JPH2: variants seen among roughly 807,000 people sequenced by gnomAD.
JPH2 encodes the protein junctophilin 2.
In JPH2, 38 loss-of-function variants were observed where a neutral mutation model predicts 55.9. The observed-to-expected ratio is 0.68, with a 90% CI of 0.52 to 0.89. The LOEUF is 0.89. Among genes scored for constraint, JPH2 ranks in the 40% least tolerant of loss-of-function variants. JPH2 has a pLI of 0.00. For missense variants in JPH2, 964 were observed against 1,037.6 expected (o/e 0.93, Z 0.97); for synonymous variants, 480 against 472.4 (o/e 1.02, Z -0.21).
At chr20:44,130,316 C>A (rs1219181027) in intron 2 of JPH2, among the ~76,000 whole-genome samples, 1 of 152,212 alleles carries the variant, frequency 6.6e-6, no homozygotes, top group Non-Finnish European at 1.5e-5. Context: ...TGCCTCAGCC[C>A]AGTCTTGTCC....
intron 1 of JPH2, chr20:44,177,340 CG>C: frequency 1.0e-6 from 1 of 987,104 alleles, no homozygotes; most frequent in South Asian, 4.7e-5. Context: ...GGGCCTGCTC[CG>C]GGGAACAGCT....
At position 44,138,335 on chromosome 20, in the gene JPH2, C is replaced by T. The variant is rs191619566; in HGVS notation, c.1170-19712G>A. On this transcript the variant is annotated intron_variant, in intron 2 of 5. Transcript: ENST00000372980. ...CGTGAGCTTTAATGCGTCTCTTACA[C>T]GCTGTTTTTTAACTGAGAGCCCAGC... Among the ~76,000 whole-genome samples, 859 of 123,502 alleles carry T rather than the reference C, an allele frequency of 7.0e-3. 6 individuals carry two copies. The highest frequency in any genetic ancestry group is 8.9e-3 in the Non-Finnish European group (479 of 53,872). The allele number at this position is 123,502 out of a possible 152,430, so 81.0% of individuals were successfully genotyped here.
chr20:44,143,633 A>G (rs894792897), intron 2 of JPH2, among the ~76,000 whole-genome samples: 2 of 152,104 alleles, frequency 1.3e-5, no homozygotes. Flanking sequence ...CTCCCCGCTC[A>G]CGCCCTCTCA....
rs2072143455 is a variant in JPH2, at chr20:44,111,526, C to CT, written c.*1991dup. The stretch of plus-strand genomic sequence containing the variant: ...CTTTAGAAACTCCACTGTAGAAGCT[C>CT]TATGGTCTTTCAGCCCCCACTCAAA... On this transcript the variant is annotated 3_prime_UTR_variant, in exon 6 of 6. Transcript: ENST00000372980. Among the ~76,000 whole-genome samples, 1 of 152,160 alleles carries CT rather than the reference C, an allele frequency of 6.6e-6. No homozygotes were observed. Among genetic ancestry groups the CT allele is most frequent in the South Asian group, 2.1e-4 (1 of 4,832 alleles).
Position 44,160,060 on chromosome 20 carries a change from G to C in JPH2, c.727C>G (p.Arg243Gly), listed in dbSNP as rs2072597620. ...AESRTSVGSQRSRVSFLKSDL... is the reference protein window; with the variant it reads ...AESRTSVGSQGSRVSFLKSDL... ...CTCTTAAGGAAGCTGACACGGCTGC[G>C]CTGGCTACCCACGGACGTGCGCGAC... Residue 243 changes from arginine (R) to glycine (G), a missense_variant, in exon 2 of 6, where the codon CGC becomes GGC. Transcript: ENST00000372980. This position sits in a 1 kb window ranked among gnomAD's most constrained non-coding sequence, Gnocchi z 4.9. 3.2e-6 allele frequency: 5 copies of C among 1,543,008 alleles called. No individual in the cohort carries two copies. The South Asian group carries it at 4.7e-5, about 15-fold the overall frequency.
intron 3 of JPH2, 111 bp from the exon 4 acceptor site, chr20:44,116,497 C>T: frequency 1.6e-6 from 2 of 1,262,150 alleles, no homozygotes; most frequent in East Asian, 5.3e-5. Flanking sequence ...TCGGCACTCA[C>T]ATAGCACTGA....
Position 44,115,661 on chromosome 20 carries a change from T to C in JPH2, c.2010+4A>G, listed in dbSNP as rs2072182827. The C allele has an allele frequency of 4.3e-6, 7 of 1,612,010 alleles. No individual in the cohort carries two copies. Among genetic ancestry groups the C allele is most frequent in the Non-Finnish European group, 5.1e-6 (6 of 1,179,926 alleles). On this transcript the variant is annotated splice_donor_region_variant and intron_variant, in intron 4 of 5. Coordinates refer to ENST00000372980, the MANE Select transcript of JPH2 (RefSeq NM_020433.5). ...CTTAGGCACACCTTGCCCGACAGCC[T>C]CACCTCTTCCACCTCCACCTCCGCC...
At chr20:44,115,195 G>A (rs1292432257) in intron 4 of JPH2, among the ~76,000 whole-genome samples, 1 of 152,128 alleles carries the variant, frequency 6.6e-6, no homozygotes, top group Non-Finnish European at 1.5e-5. Flanking sequence ...CCAAAGCCCA[G>A]CTTCAGTCTT....
At chr20:44,148,871 G>A (rs1348471265) in intron 2 of JPH2, among the ~76,000 whole-genome samples, 2 of 152,038 alleles carry the variant, frequency 1.3e-5, no homozygotes, top group South Asian at 2.1e-4. Flanking sequence ...AGACCATCCT[G>A]GCTAACATGG....
At position 44,186,392 on chromosome 20, in the gene JPH2, T is replaced by G; in HGVS notation, c.314A>C (p.Lys105Thr). Residue 105 changes from lysine to threonine, a missense_variant, in exon 1 of 6, where the codon AAG becomes ACG. By Grantham distance (78) the Lys-to-Thr change is moderately conservative. Coordinates refer to ENST00000372980, the MANE Select transcript of JPH2 (RefSeq NM_020433.5). The stretch of plus-strand genomic sequence containing the variant: ...GCCATTGTTCCAGGTGCCCTCATAC[T>G]TGGCACCGCTGCTTGAGCTCTGCCG... ...GIRQSSSSGA[K>T]YEGTWNNGLQ... The G allele has an allele frequency of 6.2e-7, 1 of 1,613,762 alleles. No individual in the cohort carries two copies. Among genetic ancestry groups the G allele is most frequent in the Non-Finnish European group, 8.5e-7 (1 of 1,179,958 alleles).
chr20:44,154,380 A>G (rs1004005711), intron 2 of JPH2, among the ~76,000 whole-genome samples: 2 of 152,224 alleles, frequency 1.3e-5, no homozygotes, highest in African/African-American at 4.8e-5. Flanking sequence ...TTCTTTTCAT[A>G]CTAAGTATTT....
chr20:44,115,544 C>G (rs2072181796), intron 4 of JPH2, 121 bp downstream of exon 4: 1 of 1,337,556 alleles, frequency 7.5e-7, no homozygotes, highest in South Asian at 1.2e-5. Context: ...TCCTCCTGCT[C>G]TATCCTGCTT....
intron 1 of JPH2, among the ~76,000 whole-genome samples, chr20:44,175,851 G>T (rs1379318906): frequency 6.6e-6 from 1 of 152,222 alleles, no homozygotes; most frequent in African/African-American, 2.4e-5. Flanking sequence ...GATTGTGTGT[G>T]CAGAAGGCAA....
rs760392872 is a variant in JPH2, at chr20:44,136,447, C to CATG, written c.1170-17825_1170-17824insCAT. On this transcript the variant is annotated intron_variant, in intron 2 of 5. Coordinates refer to ENST00000372980, the MANE Select transcript of JPH2 (RefSeq NM_020433.5). ...ATCCCCTGGGACTCATCGCCATCAT[C>CATG]ATCATCAACATCAACATCACCATTA... 6.2e-3 allele frequency among the ~76,000 whole-genome samples: 947 copies of CATG among 152,038 alleles called. 4 individuals carry two copies. Among genetic ancestry groups the CATG allele is most frequent in the Non-Finnish European group, 0.01 (692 of 67,972 alleles).
intron 2 of JPH2, among the ~76,000 whole-genome samples, chr20:44,134,497 TATATATAAATAATATATATTTATA>T (rs2072378304): frequency 2.1e-3 from 1 of 480 alleles, no homozygotes; most frequent in African/African-American, 0.012. Context: ...ATATATTTAT[TATATATAAATAATATATATTTATA>T]ATAAATATAT....
intron 1 of JPH2, among the ~76,000 whole-genome samples, chr20:44,182,684 A>C (rs1428170293): frequency 6.6e-6 from 1 of 152,178 alleles, no homozygotes; most frequent in African/African-American, 2.4e-5. Context: ...AGACGACTCC[A>C]TCTAAGAACA....
Position 44,160,520 on chromosome 20 carries a change from G to T in JPH2, c.380-113C>A, listed in dbSNP as rs1055875145. Reference sequence around the variant, plus strand: ...GCAAGGCGGGGTGGGACCGAGAGGCGCAAGGCCGTCTGAGGGTCAGGGTGC... The same window carrying T: ...GCAAGGCGGGGTGGGACCGAGAGGCTCAAGGCCGTCTGAGGGTCAGGGTGC... On this transcript the variant is annotated intron_variant, in intron 1 of 5. Transcript: ENST00000372980. This position sits in a 1 kb window ranked among gnomAD's most constrained non-coding sequence, Gnocchi z 4.9. 8.2e-6 allele frequency: 9 copies of T among 1,094,804 alleles called. No individual in the cohort carries two copies. The highest frequency in any genetic ancestry group is 1.2e-5 in the Non-Finnish European group (9 of 743,362). 67.8% of individuals were successfully genotyped at this position (1,094,804 alleles called of 1,614,324 possible). A position where few individuals can be genotyped will look rare whatever the true frequency, so the allele number is the denominator to read the frequency against.
At chr20:44,125,113 CAAAA>C (rs11299035) in intron 2 of JPH2, among the ~76,000 whole-genome samples, 11 of 117,994 alleles carry the variant, frequency 9.3e-5, no homozygotes, top group African/African-American at 9.7e-5. Context: ...GACTCTGGCT[CAAAA>C]AAAAAAAAAA....
At chr20:44,162,073 C>A (rs1309739259) in intron 1 of JPH2, among the ~76,000 whole-genome samples, 1 of 152,206 alleles carries the variant, frequency 6.6e-6, no homozygotes, top group Non-Finnish European at 1.5e-5. Flanking sequence ...TGTACCTCCA[C>A]CATGTAGAAC....
Sources: gnomAD v4.1 joint callset for allele counts (sites outside exome capture counted in the v4.1 genomes callset) on GRCh38, gnomAD v4.1.1 for gene constraint, Gnocchi (gnomAD v3.1) non-coding constraint, MANE v1.5 for transcripts, NCBI Gene and HGNC (gene_info 2026-07-23, HGNC 2026-07-21) for gene names.